USH1C: variants seen among roughly 807,000 people sequenced by gnomAD.
USH1C encodes USH1 protein network component harmonin.
In USH1C, 90 loss-of-function variants were observed where a neutral mutation model predicts 119.3. The observed-to-expected ratio is 0.75, with a 90% CI of 0.64 to 0.90. The LOEUF (loss-of-function observed/expected upper bound fraction) is 0.90. Among genes scored for constraint, USH1C ranks in the 40% least tolerant of loss-of-function variants. USH1C has a pLI of 0.00. For synonymous variants in USH1C, 465 were observed against 443.3 expected (o/e 1.05, Z -0.62); for missense variants, 1,165 against 1,167.7 (o/e 1.00, Z 0.03).
chr11:17,542,304 C>T (rs1479728403), intron 1 of USH1C, among the ~76,000 whole-genome samples: 2 of 152,270 alleles, frequency 1.3e-5, no homozygotes, highest in Non-Finnish European at 2.9e-5. Flanking sequence ...CTGTAAATTT[C>T]TCCCAGCATG....
chr11:17,521,080 G>A (rs1850392519), intron 13 of USH1C, 86 bp from the exon 14 acceptor site: 8 of 1,569,522 alleles, frequency 5.1e-6, no homozygotes, highest in Admixed American at 5.0e-5. Flanking sequence ...AGCCAGCCTG[G>A]GGAGAAGCCT....
At chr11:17,529,817 A>G (rs1850877454) in intron 4 of USH1C, among the ~76,000 whole-genome samples, 1 of 152,210 alleles carries the variant, frequency 6.6e-6, no homozygotes. Context: ...AGCCTGAGAA[A>G]CAGCCAGGAA....
intron 1 of USH1C, chr11:17,533,726 T>G: frequency 2.1e-6 from 1 of 470,036 alleles, no homozygotes; most frequent in Non-Finnish European, 4.2e-6. Context: ...TACCTGATGG[T>G]GGCTGTAGTG....
At position 17,495,601 on chromosome 11, in the gene USH1C, T is replaced by C; in HGVS notation, c.2623A>G (p.Arg875Gly). 3 of 1,614,192 alleles carry C rather than the reference T, an allele frequency of 1.9e-6. No homozygotes were observed. Among genetic ancestry groups the C allele is most frequent in the Non-Finnish European group, 2.5e-6 (3 of 1,180,032 alleles). Residue 875 changes from arginine (R) to glycine (G), a missense_variant, in exon 26 of 27, where the codon AGA becomes GGA. Coordinates refer to ENST00000005226, the MANE Select transcript of USH1C (RefSeq NM_153676.4). ...KLLEDRAAVH[R>G]HGFLLQLEPT... The stretch of plus-strand genomic sequence containing the variant: ...TCCAGCTGCAGGAGGAACCCGTGTC[T>C]GTGCACGGCAGCACGGTCTTCAAGG...
intron 25 of USH1C, 57 bp from the exon 26 acceptor site, chr11:17,495,734 AG>A: frequency 6.4e-7 from 1 of 1,572,226 alleles, no homozygotes; most frequent in Non-Finnish European, 8.8e-7. Flanking sequence ...TCCCAGGCAG[AG>A]CTCCATGGGG....
At chr11:17,505,271 C>A (rs1364813215) in intron 19 of USH1C, among the ~76,000 whole-genome samples, 9 of 152,246 alleles carry the variant, frequency 5.9e-5, no homozygotes, top group Admixed American at 5.9e-4. Context: ...AGTTTCCCAT[C>A]TGAGGGTGTT....
intron 23 of USH1C, among the ~76,000 whole-genome samples, chr11:17,499,069 G>A (rs1157862909): frequency 2.0e-5 from 3 of 152,226 alleles, no homozygotes; most frequent in African/African-American, 7.2e-5. Flanking sequence ...GCTACTCACT[G>A]CAGGATTTGT....
intron 4 of USH1C, among the ~76,000 whole-genome samples, chr11:17,528,199 C>T (rs915639834): frequency 2.0e-5 from 3 of 152,242 alleles, no homozygotes; most frequent in Non-Finnish European, 4.4e-5. Context: ...ATGAGTTAGT[C>T]CTGATCCCTG....
At chr11:17,509,202 T>C (rs780020523) in intron 18 of USH1C, among the ~76,000 whole-genome samples, 154 bp downstream of exon 18, 16 of 152,172 alleles carry the variant, frequency 1.1e-4, no homozygotes, top group Non-Finnish European at 1.5e-4. Flanking sequence ...ATGCAGGATG[T>C]CCACACATGC....
At chr11:17,515,110 T>C (rs919893772) in intron 15 of USH1C, among the ~76,000 whole-genome samples, 3 of 151,916 alleles carry the variant, frequency 2.0e-5, no homozygotes, top group Admixed American at 6.6e-5. Flanking sequence ...TGAGTTCTAG[T>C]AGAGGCAGAA....
intron 14 of USH1C, chr11:17,516,671 C>T (rs930299239): frequency 3.0e-6 from 1 of 336,322 alleles, no homozygotes; most frequent in African/African-American, 2.1e-5. Flanking sequence ...CCTTTTCTAA[C>T]CCATGTCTGG....
intron 1 of USH1C, among the ~76,000 whole-genome samples, chr11:17,536,296 A>G (rs151038960): frequency 2.6e-5 from 4 of 152,226 alleles, no homozygotes; most frequent in African/African-American, 9.6e-5. Flanking sequence ...CTTAGGACTG[A>G]AGTTCCCTCT....
At chr11:17,500,012 G>A (rs1849377689) in intron 23 of USH1C, among the ~76,000 whole-genome samples, 1 of 152,208 alleles carries the variant, frequency 6.6e-6, no homozygotes, top group Non-Finnish European at 1.5e-5. Flanking sequence ...GGCCACAAAG[G>A]ACTCAGGAGC....
intron 2 of USH1C, among the ~76,000 whole-genome samples, chr11:17,532,962 G>C (rs1228566415): frequency 6.6e-6 from 1 of 152,196 alleles, no homozygotes; most frequent in Non-Finnish European, 1.5e-5. Context: ...CAACAATCAT[G>C]CTCTATAGAA....
At position 17,536,767 on chromosome 11, in the gene USH1C, C is replaced by A. The variant is rs146916301; in HGVS notation, c.37-3445G>T. 5.6e-3 allele frequency among the ~76,000 whole-genome samples: 854 copies of A among 152,348 alleles called. 6 individuals carry two copies. The highest frequency in any genetic ancestry group is 0.017 in the African/African-American group (721 of 41,578). On this transcript the variant is annotated intron_variant, in intron 1 of 26. Coordinates refer to ENST00000005226, the MANE Select transcript of USH1C (RefSeq NM_153676.4). ...CCTTCCCCTGACACACTGGAATCTCCTTGTCCTCACTCAGAACATTCCATC... is the reference window on the plus strand; with the variant it reads ...CCTTCCCCTGACACACTGGAATCTCATTGTCCTCACTCAGAACATTCCATC...
In USH1C at chr11:17,529,728, C is replaced by T. The variant is rs77000045; in HGVS notation, c.387+1426G>A. The stretch of plus-strand genomic sequence containing the variant: ...CAAAGGGCCCTTTGTGCAAGGGCCA[C>T]GATGATATAACGATCTGAGGGACAG... On this transcript the variant is annotated intron_variant, in intron 4 of 26. Coordinates refer to ENST00000005226, the MANE Select transcript of USH1C (RefSeq NM_153676.4). Among the ~76,000 whole-genome samples the T allele has an allele frequency of 9.7e-3, 1,471 of 152,162 alleles. 14 individuals carry two copies. The highest frequency in any genetic ancestry group is 0.034 in the African/African-American group (1,413 of 41,506).
Position 17,521,361 on chromosome 11 carries a change from C to T in USH1C, c.1070G>A (p.Arg357Gln), listed in dbSNP as rs895318911. 94 of 1,614,042 alleles carry T rather than the reference C, an allele frequency of 5.8e-5. No homozygotes were observed. The highest frequency in any genetic ancestry group is 6.6e-5 in the Non-Finnish European group (78 of 1,180,030). Residue 357 changes from arginine (R) to glutamine (Q), a missense_variant, in exon 13 of 27, where the codon CGG becomes CAG. By Grantham distance (43) the Arg-to-Gln change is conservative (BLOSUM62 1). Coordinates refer to ENST00000005226, the MANE Select transcript of USH1C (RefSeq NM_153676.4). ...AGGTACTCACTGTTCCATCTCCTTC[C>T]GGTATCTCTCATTTTCCTCTGCTGC... ...QKAAEENERY[R>Q]KEMEQIVEEE...
In USH1C at chr11:17,523,445, C is replaced by A; in HGVS notation, c.793G>T (p.Asp265Tyr). The change falls in exon 10 of 27, where the codon GAC (aspartate) becomes TAC (tyrosine). Residue 265 changes from aspartate to tyrosine, a missense_variant. Coordinates refer to ENST00000005226, the MANE Select transcript of USH1C (RefSeq NM_153676.4). ...TCCTTGTGATCCAGGTTAGAGAAGT[C>A]GACGCCATTGACTTCGACAATCTGG... is the stretch of plus-strand genomic sequence containing the variant. ...GDQIVEVNGVDFSNLDHKEAV... is the reference protein window; with the variant it reads ...GDQIVEVNGVYFSNLDHKEAV... 5 of 1,614,166 alleles carry A rather than the reference C, an allele frequency of 3.1e-6. No homozygotes were observed. The highest frequency in any genetic ancestry group is 4.2e-6 in the Non-Finnish European group (5 of 1,180,050).
Position 17,512,080 on chromosome 11 carries a change from T to A in USH1C, c.1261-26A>T, listed in dbSNP as rs753648890. On this transcript the variant is annotated intron_variant, in intron 15 of 26. Transcript: ENST00000005226. ...CTGAGTAGATGTGGCATTGTTTATA[T>A]GACAAAGGTTAGAAATAGTGTCGAC... is the stretch of plus-strand genomic sequence containing the variant. The A allele has an allele frequency of 3.7e-6, 6 of 1,613,566 alleles. No homozygotes were observed. In the South Asian group the frequency reaches 6.6e-5, roughly 18 times the overall value.
Sources: allele counts gnomAD v4.1 joint callset (sites outside exome capture counted in the v4.1 genomes callset), GRCh38; gene constraint gnomAD v4.1.1; transcripts MANE v1.5; gene names NCBI Gene and HGNC (gene_info 2026-07-23, HGNC 2026-07-21).